Variants in STK31 observed in about 807,000 individuals in gnomAD.
STK31 encodes the protein serine/threonine kinase 31, also known as serine/threonine-protein kinase 31.
STK31 carries 89 observed loss-of-function variants against 129.7 expected under a neutral mutation model. The ratio of observed to expected loss-of-function variants is 0.69; its 90% CI spans 0.58 to 0.82. The LOEUF (loss-of-function observed/expected upper bound fraction) is 0.82. STK31 is among the 40% of genes least tolerant of loss of function. The pLI is 0.00. For missense variants in STK31, 1,187 were observed against 1,176.4 expected, an observed-to-expected ratio of 1.01 and a Z score of -0.13; for synonymous variants, 448 against 395.3, an observed-to-expected ratio of 1.13 and a Z score of -1.58.
At position 23,832,329 on chromosome 7, in the gene STK31, A is replaced by G. The variant is rs2128135509; in HGVS notation, c.3023A>G (p.Glu1008Gly). The G allele has an allele frequency of 6.2e-7, 1 of 1,612,808 alleles. No homozygotes were observed. The highest frequency in any genetic ancestry group is 2.2e-5 in the East Asian group (1 of 44,854). ...IKTENLDKCM[E>G]KTRNGEANFD... ...ACGGAGAACTTGGATAAATGTATGG[A>G]GAAGACAAGAAATGGTGAAGCCAAC... is the stretch of plus-strand genomic sequence containing the variant. The change falls in exon 24 of 24, where the codon GAG becomes GGG. Residue 1008 changes from glutamate (E) to glycine (G), a missense_variant. Glu to Gly is a moderately conservative substitution (Grantham distance 98). Coordinates refer to ENST00000355870, the MANE Select transcript of STK31 (RefSeq NM_031414.5).
intron 21 of STK31, among the ~76,000 whole-genome samples, chr7:23,788,526 A>G (rs1791432751): frequency 6.6e-6 from 1 of 152,094 alleles, no homozygotes; most frequent in South Asian, 2.1e-4. Context: ...AATAATGTGC[A>G]TTTTTAGAAA....
chr7:23,734,363 G>T (rs78225833), intron 6 of STK31, among the ~76,000 whole-genome samples: 5 of 152,232 alleles, frequency 3.3e-5, no homozygotes, highest in Non-Finnish European at 7.4e-5. Context: ...TTCCGAAAAA[G>T]AATACTTACT....
At chr7:23,736,834 A>G in intron 7 of STK31, 70 bp from the exon 8 acceptor site, 6 of 1,293,964 alleles carry the variant, frequency 4.6e-6, no homozygotes, top group Non-Finnish European at 5.1e-6. Context: ...GGACCAAGAT[A>G]ACTTAGATTT....
chr7:23,830,014 A>T (rs562182398), intron 23 of STK31, among the ~76,000 whole-genome samples: 1 of 152,018 alleles, frequency 6.6e-6, no homozygotes, highest in Non-Finnish European at 1.5e-5. Flanking sequence ...CAGTGGTGCA[A>T]TCTTGGCTCA....
intron 6 of STK31, among the ~76,000 whole-genome samples, chr7:23,732,922 T>C (rs569799049): frequency 6.6e-6 from 1 of 152,308 alleles, no homozygotes; most frequent in South Asian, 2.1e-4. Context: ...AAACTACATC[T>C]AATTGATTAA....
chr7:23,739,766 C>T (rs890512663), intron 8 of STK31, among the ~76,000 whole-genome samples: 2 of 152,076 alleles, frequency 1.3e-5, no homozygotes, highest in Non-Finnish European at 2.9e-5. Context: ...TCAGGTTTGT[C>T]GAAGATCAGA....
chr7:23,798,942 T>G (rs954411748), intron 22 of STK31, among the ~76,000 whole-genome samples: 1 of 152,138 alleles, frequency 6.6e-6, no homozygotes, highest in Non-Finnish European at 1.5e-5. Context: ...AACATTCTTA[T>G]ACACCCGTAA....
At chr7:23,800,499 T>TCATGTTCTCACTCATAAGTGAA (rs953186822) in intron 22 of STK31, among the ~76,000 whole-genome samples, 2 of 151,854 alleles carry the variant, frequency 1.3e-5, no homozygotes, top group African/African-American at 2.4e-5. Flanking sequence ...ACCAAATACC[T>TCATGTTCTCACTCATAAGTGAA]CATGTTCTCA....
chr7:23,779,930 C>A (rs1456120446), intron 15 of STK31, among the ~76,000 whole-genome samples: 1 of 152,162 alleles, frequency 6.6e-6, no homozygotes, highest in Non-Finnish European at 1.5e-5. Context: ...CAAACGTCTG[C>A]CCAGTTTTGT....
At chr7:23,817,221 T>A (rs1422943999) in intron 23 of STK31, among the ~76,000 whole-genome samples, 2 of 152,066 alleles carry the variant, frequency 1.3e-5, no homozygotes, top group Non-Finnish European at 2.9e-5. Flanking sequence ...AATCTGCCTG[T>A]AATCTGCAAG....
chr7:23,769,838 A>G, intron 13 of STK31, 82 bp downstream of exon 13: 1 of 878,760 alleles, frequency 1.1e-6, no homozygotes, highest in South Asian at 1.9e-5. Flanking sequence ...AACCAATAAT[A>G]GAGTTTTTCT....
chr7:23,765,110 C>T (rs1789730538), intron 11 of STK31, among the ~76,000 whole-genome samples: 1 of 151,870 alleles, frequency 6.6e-6, no homozygotes, highest in Non-Finnish European at 1.5e-5. Context: ...GGCTGGAGTG[C>T]AGTGGCCGAT....
chr7:23,733,192 T>C (rs1230095478), intron 6 of STK31, among the ~76,000 whole-genome samples: 1 of 152,114 alleles, frequency 6.6e-6, no homozygotes, highest in Non-Finnish European at 1.5e-5. Context: ...ATTTTATGCC[T>C]TGAAAAATTT....
At chr7:23,791,371 A>C (rs10253205) in intron 22 of STK31, 277,063 of 922,760 alleles carry the variant, frequency 0.3, 42,314 homozygotes, top group African/African-American at 0.46. Context: ...TTTACTGTGG[A>C]TCAGAAAGCC....
intron 8 of STK31, among the ~76,000 whole-genome samples, chr7:23,747,897 A>C (rs763945810): frequency 1.4e-4 from 22 of 151,726 alleles, no homozygotes; most frequent in Non-Finnish European, 2.9e-4. Flanking sequence ...AATTTTATTC[A>C]TCTTTTCAAA....
rs1453884618 is a variant in STK31 at position 23,717,841 on chromosome 7, T to A, written c.249+262T>A. 3.9e-5 allele frequency among the ~76,000 whole-genome samples: 6 copies of A among 152,296 alleles called. 1 individual carries two copies. The East Asian group carries it at 7.7e-4, about 20-fold the overall frequency. Reference sequence around the variant, plus strand: ...AATAAGCCAGTCACAAGAGGACAAATACTGTTATGGTTCTACTTGTATGAA... The same window carrying A: ...AATAAGCCAGTCACAAGAGGACAAAAACTGTTATGGTTCTACTTGTATGAA... On this transcript the variant is annotated intron_variant, in intron 4 of 23. Transcript: ENST00000355870.
chr7:23,787,040 C>A, intron 20 of STK31, 116 bp downstream of exon 20: 1 of 918,082 alleles, frequency 1.1e-6, no homozygotes, highest in Non-Finnish European at 1.7e-6. Flanking sequence ...TCATGGTATT[C>A]TATTTGTCAC....
chr7:23,781,650 A>T (rs2128108651), intron 16 of STK31, 130 bp downstream of exon 16: 2 of 554,496 alleles, frequency 3.6e-6, no homozygotes, highest in East Asian at 6.7e-5. Flanking sequence ...ATATATATTG[A>T]CCTGGTAAGA....
At chr7:23,785,194 A>C (rs916827750) in intron 17 of STK31, among the ~76,000 whole-genome samples, 19 of 152,180 alleles carry the variant, frequency 1.2e-4, no homozygotes, top group African/African-American at 3.9e-4. Context: ...TCAAGTAAAC[A>C]TTAGGGATCC....
Sources: allele counts gnomAD v4.1 joint callset (sites outside exome capture counted in the v4.1 genomes callset), GRCh38; gene constraint gnomAD v4.1.1; transcripts MANE v1.5; gene names NCBI Gene and HGNC (gene_info 2026-07-23, HGNC 2026-07-21).